The following ARSG variants were observed in gnomAD, a reference collection of about 807,000 sequenced individuals.
ARSG encodes the protein ASG.
Under a neutral mutation model 50.5 loss-of-function variants are expected in ARSG, and 37 were observed. That is an observed-to-expected ratio of 0.73 (90% confidence interval 0.56 to 0.96). The LOEUF is 0.96. ARSG is among the 50% of genes least tolerant of loss of function. The probability of loss-of-function intolerance (pLI) is 0.00; values close to 1 mark genes in which losing one functional copy is unlikely to be tolerated. For synonymous variants in ARSG, 225 were observed against 254.6 expected (o/e 0.88, Z 1.11); for missense variants, 629 against 675.3 (o/e 0.93, Z 0.76).
At chr17:68,426,412 T>G (rs1332423016), downstream of ARSG, among the ~76,000 whole-genome samples, 3 of 152,212 alleles carry the variant, frequency 2.0e-5, no homozygotes, top group African/African-American at 7.2e-5. Flanking sequence ...GAATTTTTCT[T>G]TGTTGAGGTA....
intron 2 of ARSG, among the ~76,000 whole-genome samples, chr17:68,310,072 C>G (rs781821880): frequency 6.6e-6 from 1 of 151,242 alleles, no homozygotes; most frequent in Non-Finnish European, 1.5e-5. Context: ...CTCCCGGGTT[C>G]AAGCGATTCT....
chr17:68,389,465 C>T (rs929302049), intron 9 of ARSG, among the ~76,000 whole-genome samples: 2 of 151,896 alleles, frequency 1.3e-5, no homozygotes, highest in East Asian at 1.9e-4. Context: ...ACCAGGAAGG[C>T]GTGGGCACCT....
At chr17:68,432,799 T>C in the ARSG span, among the ~76,000 whole-genome samples, 52,409 of 151,984 alleles carry the variant, frequency 0.34, 9,412 homozygotes, top group Admixed American at 0.51. Flanking sequence ...TTCTCTAGAA[T>C]CCTTGCCCCC....
At chr17:68,427,205 T>G, downstream of ARSG, 1 of 1,614,214 alleles carries the variant, frequency 6.2e-7, no homozygotes, top group Non-Finnish European at 8.5e-7. Flanking sequence ...GTAAGGAAGG[T>G]CTGAGGTCAT....
chr17:68,352,065 A>G (rs2078793012), intron 5 of ARSG, among the ~76,000 whole-genome samples: 1 of 144,580 alleles, frequency 6.9e-6, no homozygotes, highest in African/African-American at 2.6e-5. Context: ...GAGACAGAGG[A>G]GAGAGAGAGA....
chr17:68,322,783 TAGTC>T (rs1462589104), intron 2 of ARSG, among the ~76,000 whole-genome samples: 1 of 152,212 alleles, frequency 6.6e-6, no homozygotes, highest in Non-Finnish European at 1.5e-5. Context: ...CCAGCCATAT[TAGTC>T]AGCTTGGGTT....
rs951369204 is a variant in ARSG at position 68,338,725 on chromosome 17, C to G, written c.219-4879C>G. On this transcript the variant is annotated intron_variant, in intron 2 of 11. Transcript: ENST00000621439. Reference sequence around the variant, plus strand: ...CATCCTAGGGCTCTCCCAGGAGGGGCATTTAATGCCATTAAATGACTTAGC... The same window carrying G: ...CATCCTAGGGCTCTCCCAGGAGGGGGATTTAATGCCATTAAATGACTTAGC... Among the ~76,000 whole-genome samples the G allele has an allele frequency of 2.7e-4, 41 of 152,168 alleles. 1 individual carries two copies. The highest frequency in any genetic ancestry group is 9.7e-4 in the African/African-American group (40 of 41,436).
chr17:68,292,001 C>T (rs1285830225), intron 1 of ARSG, among the ~76,000 whole-genome samples: 2 of 152,040 alleles, frequency 1.3e-5, no homozygotes, highest in Admixed American at 6.5e-5. Context: ...CTGAGTTCCT[C>T]CTGCAGCGCC....
At chr17:68,386,048 A>C (rs1386428863) in intron 9 of ARSG, among the ~76,000 whole-genome samples, 1 of 152,172 alleles carries the variant, frequency 6.6e-6, no homozygotes, top group African/African-American at 2.4e-5. Context: ...ACATCAGGTA[A>C]ATGTGATGTC....
the ARSG span, among the ~76,000 whole-genome samples, chr17:68,430,626 T>C: frequency 6.6e-6 from 1 of 152,200 alleles, no homozygotes; most frequent in East Asian, 1.9e-4. Flanking sequence ...CTTTGGGTGG[T>C]GTTTGATTGT....
intron 11 of ARSG, among the ~76,000 whole-genome samples, chr17:68,417,944 C>T (rs561119824): frequency 9.6e-4 from 146 of 151,868 alleles, no homozygotes; most frequent in Non-Finnish European, 1.9e-3. Context: ...GTTGGCCAGA[C>T]TGGTCTCAAA....
At chr17:68,331,222 T>TTTCC (rs2077741710) in intron 2 of ARSG, among the ~76,000 whole-genome samples, 1 of 29,594 alleles carries the variant, frequency 3.4e-5, no homozygotes, top group Non-Finnish European at 5.9e-5. Flanking sequence ...TCTTTCTTTC[T>TTTCC]TTCTTTCTTT....
intron 8 of ARSG, 39 bp from the exon 9 acceptor site, chr17:68,385,025 T>G: frequency 6.4e-7 from 1 of 1,552,280 alleles, no homozygotes; most frequent in Non-Finnish European, 8.9e-7. Flanking sequence ...TCTCGAGTTA[T>G]CACCATGGAT....
At chr17:68,402,777 G>A (rs190601962) in intron 11 of ARSG, among the ~76,000 whole-genome samples, 5 of 152,054 alleles carry the variant, frequency 3.3e-5, no homozygotes, top group Non-Finnish European at 7.4e-5. Flanking sequence ...CACCCGCCTC[G>A]GCCTCCCAAA....
chr17:68,427,273 G>C, downstream of ARSG: 1 of 1,585,812 alleles, frequency 6.3e-7, no homozygotes, highest in Middle Eastern at 1.7e-4. Context: ...ACAATCAAGA[G>C]GAGGTGAAAG....
At chr17:68,269,356 A>G (rs1555747688) in intron 1 of ARSG, 2 of 1,112,928 alleles carry the variant, frequency 1.8e-6, no homozygotes, top group South Asian at 3.2e-5. Flanking sequence ...CCTGGAAGAG[A>G]GCATGGCGTC....
rs1352618269 is a variant in ARSG, at chr17:68,395,113, G to T, written c.1132G>T (p.Ala378Ser). ...TCCAACTGTGGTAGCCCTGGCCCAG[G>T]CCAGCTTACCTCAAGGACGGCGCTT... ...IFPTVVALAQ[A>S]SLPQGRRFDG... The change falls in exon 10 of 12, where the codon GCC (alanine) becomes TCC (serine). Residue 378 changes from alanine to serine, a missense_variant. Physicochemically the swap from Ala to Ser is moderately conservative, Grantham distance 99 (BLOSUM62 1). Transcript: ENST00000621439. 6.2e-7 allele frequency: 1 copy of T among 1,614,090 alleles called. No homozygotes were observed. Among genetic ancestry groups the T allele is most frequent in the Admixed American group, 1.7e-5 (1 of 60,024 alleles).
chr17:68,429,726 C>T, the ARSG span, among the ~76,000 whole-genome samples: 14 of 152,212 alleles, frequency 9.2e-5, no homozygotes, highest in East Asian at 2.7e-3. Flanking sequence ...GTAGCTGGGA[C>T]TACAGGCACG....
the ARSG span, chr17:68,428,829 C>T: frequency 6.2e-7 from 1 of 1,611,638 alleles, no homozygotes; most frequent in Admixed American, 1.7e-5. Flanking sequence ...GTCTCTTCAC[C>T]TGTGGGTTTT....
Sources: allele counts gnomAD v4.1 joint callset (sites outside exome capture counted in the v4.1 genomes callset), GRCh38; gene constraint gnomAD v4.1.1; transcripts MANE v1.5; gene names NCBI Gene and HGNC (gene_info 2026-07-23, HGNC 2026-07-21).